CTNNA3: variants seen among roughly 807,000 people sequenced by gnomAD.
CTNNA3 encodes catenin alpha-3.
In CTNNA3, 76 loss-of-function variants were observed where a neutral mutation model predicts 95.7. The observed-to-expected ratio is 0.79, with a 90% CI of 0.66 to 0.96. The LOEUF (loss-of-function observed/expected upper bound fraction) is 0.96. Among genes scored for constraint, CTNNA3 ranks in the 40% least tolerant of loss-of-function variants. CTNNA3 has a pLI of 0.00. For missense variants in CTNNA3, 1,191 were observed against 1,089.8 expected, an observed-to-expected ratio of 1.09 and a Z score of -1.31; for synonymous variants, 431 against 374.4, an observed-to-expected ratio of 1.15 and a Z score of -1.74.
chr10:67,258,915 T>C (rs1866468431), intron 5 of CTNNA3, among the ~76,000 whole-genome samples: 1 of 152,200 alleles, frequency 6.6e-6, no homozygotes, highest in African/African-American at 2.4e-5. Context: ...TAAAATAGCA[T>C]AGTATTTGTA....
At chr10:65,922,529 A>G (rs1564517302) in intron 17 of CTNNA3, among the ~76,000 whole-genome samples, 1 of 152,204 alleles carries the variant, frequency 6.6e-6, no homozygotes, top group Non-Finnish European at 1.5e-5. Flanking sequence ...CATATCAATA[A>G]GGCAAAGAAG....
chr10:67,673,240 T>C (rs1435782578), intron 1 of CTNNA3, among the ~76,000 whole-genome samples: 217 of 149,138 alleles, frequency 1.5e-3, no homozygotes, highest in Non-Finnish European at 2.5e-3. Flanking sequence ...AAGTTGCTTA[T>C]CAGCTTAAGG....
chr10:66,828,881 C>T (rs953989423), intron 7 of CTNNA3, among the ~76,000 whole-genome samples: 5 of 152,192 alleles, frequency 3.3e-5, no homozygotes, highest in African/African-American at 9.7e-5. Context: ...CCACAGAGGG[C>T]TTGCCAGATT....
intron 5 of CTNNA3, among the ~76,000 whole-genome samples, chr10:67,467,373 C>A (rs1297894103): frequency 3.3e-5 from 5 of 152,070 alleles, no homozygotes; most frequent in East Asian, 3.9e-4. Flanking sequence ...ATGATATTAG[C>A]CCTACATAAG....
chr10:66,340,822 GT>G (rs2092446995), intron 12 of CTNNA3, among the ~76,000 whole-genome samples: 1 of 151,662 alleles, frequency 6.6e-6, no homozygotes, highest in South Asian at 2.1e-4. Flanking sequence ...AAAAGGTGAA[GT>G]AATATCCAAA....
chr10:67,111,595 A>T (rs993158675), intron 7 of CTNNA3, among the ~76,000 whole-genome samples: 1 of 152,060 alleles, frequency 6.6e-6, no homozygotes, highest in African/African-American at 2.4e-5. Flanking sequence ...AAAAATTAAA[A>T]TATATCAAGA....
At chr10:67,540,516 G>C (rs182177167) in intron 3 of CTNNA3, among the ~76,000 whole-genome samples, 2 of 151,836 alleles carry the variant, frequency 1.3e-5, no homozygotes, top group African/African-American at 2.4e-5. Flanking sequence ...CAACTATTCA[G>C]CTCTTGCATA....
intron 7 of CTNNA3, among the ~76,000 whole-genome samples, chr10:66,915,117 CATACA>C (rs1192792438): frequency 1.4e-5 from 2 of 147,572 alleles, no homozygotes; most frequent in African/African-American, 2.5e-5. Context: ...TTTTTTGAAA[CATACA>C]ATACATTTGT....
chr10:67,739,283 C>T (rs1227528639), intron 1 of CTNNA3, among the ~76,000 whole-genome samples: 1 of 152,096 alleles, frequency 6.6e-6, no homozygotes, highest in Non-Finnish European at 1.5e-5. Context: ...ATTCAACATT[C>T]TTAAAGAAAA....
chr10:66,132,318 C>T (rs779085042), intron 13 of CTNNA3, among the ~76,000 whole-genome samples: 49 of 152,170 alleles, frequency 3.2e-4, no homozygotes, highest in Non-Finnish European at 5.4e-4. Context: ...TATCACTGAT[C>T]ATTAGAGAAG....
At chr10:66,741,301 GA>G (rs1273451777) in intron 9 of CTNNA3, among the ~76,000 whole-genome samples, 1 of 152,084 alleles carries the variant, frequency 6.6e-6, no homozygotes, top group Non-Finnish European at 1.5e-5. Flanking sequence ...CCAAGGCCAG[GA>G]AAACACAGAT....
chr10:67,468,626 C>T (rs1333062648), intron 5 of CTNNA3, among the ~76,000 whole-genome samples: 4 of 152,052 alleles, frequency 2.6e-5, no homozygotes, highest in Non-Finnish European at 4.4e-5. Flanking sequence ...AACATGTGAA[C>T]GTAAGTGATA....
At chr10:66,225,855 G>T (rs914594030) in intron 13 of CTNNA3, among the ~76,000 whole-genome samples, 1 of 151,704 alleles carries the variant, frequency 6.6e-6, no homozygotes, top group Non-Finnish European at 1.5e-5. Context: ...ATACTTATTA[G>T]CCACTCGTAT....
At chr10:66,736,700 T>C (rs1018092113) in intron 9 of CTNNA3, among the ~76,000 whole-genome samples, 5 of 151,970 alleles carry the variant, frequency 3.3e-5, no homozygotes, top group Non-Finnish European at 7.4e-5. Context: ...TAATATATAT[T>C]TACAATATAT....
intron 10 of CTNNA3, among the ~76,000 whole-genome samples, chr10:66,614,311 T>C (rs78752561): frequency 0.023 from 3,501 of 152,128 alleles, 139 homozygotes; most frequent in African/African-American, 0.081. Context: ...TGCCAATGAA[T>C]ATAATCTGAA....
chr10:66,231,384 C>G (rs1032082795), intron 13 of CTNNA3, among the ~76,000 whole-genome samples: 2 of 152,062 alleles, frequency 1.3e-5, no homozygotes, highest in African/African-American at 4.8e-5. Flanking sequence ...ATAAGATTTA[C>G]TGAATCGTAA....
intron 7 of CTNNA3, among the ~76,000 whole-genome samples, chr10:66,969,097 C>G (rs773516925): frequency 5.9e-5 from 9 of 151,694 alleles, no homozygotes; most frequent in Non-Finnish European, 8.8e-5. Context: ...AAATAACATC[C>G]ATTGCTTTAT....
intron 5 of CTNNA3, among the ~76,000 whole-genome samples, chr10:67,436,028 C>A (rs1210311064): frequency 6.6e-6 from 1 of 152,000 alleles, no homozygotes; most frequent in Non-Finnish European, 1.5e-5. Context: ...CAAGAGAAAG[C>A]AAAAAGAACA....
At chr10:66,128,652 T>C (rs1381225837) in intron 13 of CTNNA3, among the ~76,000 whole-genome samples, 4 of 152,070 alleles carry the variant, frequency 2.6e-5, no homozygotes, top group East Asian at 1.9e-4. Flanking sequence ...AGGGAGGGGA[T>C]GTATAGGCAG....
Sources: gnomAD v4.1 joint callset for allele counts (sites outside exome capture counted in the v4.1 genomes callset) on GRCh38, gnomAD v4.1.1 for gene constraint, MANE v1.5 for transcripts, NCBI Gene and HGNC (gene_info 2026-07-23, HGNC 2026-07-21) for gene names.